The following GSE1 variants were observed in gnomAD, a reference collection of about 807,000 sequenced individuals.
The protein encoded by GSE1 is genetic suppressor element 1.
In GSE1, 32 loss-of-function variants were observed where a neutral mutation model predicts 112.6. The observed-to-expected ratio is 0.28, with a 90% CI of 0.21 to 0.38. The LOEUF (loss-of-function observed/expected upper bound fraction) is 0.38. Ranked by LOEUF, GSE1 falls within the 10% of genes least tolerant of loss-of-function variation. The pLI is 1.00. For synonymous variants in GSE1, 1,115 were observed against 735.6 expected, an observed-to-expected ratio of 1.52 and a Z score of -8.35; for missense variants, 2,348 against 1,699.2, an observed-to-expected ratio of 1.38 and a Z score of -6.71.
intron 2 of GSE1, among the ~76,000 whole-genome samples, chr16:85,410,266 C>A (rs1485172122): frequency 3.4e-5 from 2 of 58,396 alleles, no homozygotes; most frequent in African/African-American, 1.2e-4. Context: ...CTCTCAGGCC[C>A]CCCGGATAAT....
At chr16:85,603,416 T>C (rs2047553284) in intron 1 of GSE1, among the ~76,000 whole-genome samples, 1 of 152,240 alleles carries the variant, frequency 6.6e-6, no homozygotes. Context: ...CAGGGGATGC[T>C]TCTCTTCTTG....
At chr16:85,669,944 T>TTA (rs1193144486) in intron 14 of GSE1, among the ~76,000 whole-genome samples, 1 of 152,256 alleles carries the variant, frequency 6.6e-6, no homozygotes, top group Non-Finnish European at 1.5e-5. Context: ...TCAGCTGTTT[T>TTA]TAGCCCATGG....
rs2044682324 is a variant in GSE1, at chr16:85,545,958, TG to T, written c.2465-87955del. On this transcript the variant is annotated intron_variant, in intron 2 of 2. Transcript: ENST00000637419. The stretch of plus-strand genomic sequence containing the variant: ...CCACCACACTCGGCTAATTGTTTTT[TG>T]TATTTTTAGTAGAGACGGGGTTTCA... Among the ~76,000 whole-genome samples the T allele has an allele frequency of 2.0e-5, 3 of 152,114 alleles. No homozygotes were observed. The South Asian group carries it at 6.2e-4, about 32-fold the overall frequency.
intron 2 of GSE1, among the ~76,000 whole-genome samples, chr16:85,463,520 C>G (rs771108609): frequency 6.6e-6 from 1 of 152,164 alleles, no homozygotes; most frequent in Non-Finnish European, 1.5e-5. Flanking sequence ...TGGCAGGGCC[C>G]CTCGTGCCTG....
chr16:85,647,432 T>G (rs559487524), intron 2 of GSE1, among the ~76,000 whole-genome samples: 1 of 152,310 alleles, frequency 6.6e-6, no homozygotes, highest in Admixed American at 6.5e-5. Context: ...AGATGGTGAA[T>G]TATATCTCAT....
chr16:85,552,005 C>T (rs1448092587), upstream of GSE1, among the ~76,000 whole-genome samples: 1 of 152,136 alleles, frequency 6.6e-6, no homozygotes, highest in African/African-American at 2.4e-5. Context: ...GCTTCGCCTC[C>T]GTGCACTCAA....
intron 2 of GSE1, among the ~76,000 whole-genome samples, chr16:85,492,031 A>G (rs2051026385): frequency 6.6e-6 from 1 of 152,092 alleles, no homozygotes; most frequent in South Asian, 2.1e-4. Flanking sequence ...GGTGCTGGGA[A>G]GCTGACCCCT....
chr16:85,487,479 T>C (rs1158363559), intron 2 of GSE1, among the ~76,000 whole-genome samples: 1 of 152,142 alleles, frequency 6.6e-6, no homozygotes, highest in Non-Finnish European at 1.5e-5. Context: ...GAGGCCTCGT[T>C]ATGAGCCAGG....
chr16:85,361,853 C>T lies in GSE1; in HGVS notation c.2464+4210C>T, dbSNP rs184575984. On this transcript the variant is annotated intron_variant, in intron 2 of 2. Coordinates refer to the GSE1 transcript ENST00000637419. ...AGTTTGGTAACACTGGGTTCCCTGC[C>T]GTCCCAGACTCCCGGGGCAGCCCAC... Among the ~76,000 whole-genome samples, 20 of 152,102 alleles carry T rather than the reference C, an allele frequency of 1.3e-4. No homozygotes were observed. In the East Asian group the frequency reaches 2.7e-3, roughly 21 times the overall value.
intron 2 of GSE1, among the ~76,000 whole-genome samples, chr16:85,402,036 G>T (rs2048126220): frequency 6.6e-6 from 1 of 152,224 alleles, no homozygotes. Context: ...CTGGAGCCCG[G>T]AGACGTTGGA....
intron 2 of GSE1, among the ~76,000 whole-genome samples, chr16:85,541,609 G>C (rs903974003): frequency 3.9e-5 from 6 of 152,246 alleles, no homozygotes; most frequent in Non-Finnish European, 5.9e-5. Flanking sequence ...CAGAGGGTTC[G>C]CTTCTGTGCC....
At chr16:85,636,061 C>G (rs1313550803) in intron 2 of GSE1, among the ~76,000 whole-genome samples, 2 of 152,236 alleles carry the variant, frequency 1.3e-5, no homozygotes, top group Admixed American at 6.5e-5. Flanking sequence ...TGGCCAGGAA[C>G]AAAGTGCCGC....
At chr16:85,509,581 G>T (rs186888166) in intron 2 of GSE1, among the ~76,000 whole-genome samples, 139 of 152,364 alleles carry the variant, frequency 9.1e-4, no homozygotes, top group Admixed American at 2.2e-3. Flanking sequence ...TGCTTTGCGG[G>T]TGCCTGATGA....
rs3060245 is a variant in GSE1 at position 85,672,810 on chromosome 16, ATTATTTC to A, written c.*275_*281del. On this transcript the variant is annotated 3_prime_UTR_variant, in exon 16 of 16. Transcript: ENST00000253458. Reference sequence around the variant, plus strand: ...GTGGTTTTCGCCCTTCCTCTCCCACATTATTTCTTAATCTGAACATGAAGGCTCCATT... The same window carrying A: ...GTGGTTTTCGCCCTTCCTCTCCCACATTAATCTGAACATGAAGGCTCCATT... 56,743 of 257,928 alleles carry A rather than the reference ATTATTTC, an allele frequency of 0.22. 7,151 individuals are homozygous for A. Among genetic ancestry groups the A allele is most frequent in the Middle Eastern group, 0.28 (231 of 840 alleles). The allele number at this position is 257,928 out of a possible 1,614,324, so 16.0% of individuals were successfully genotyped here.
At chr16:85,546,496 A>C (rs926255003) in intron 2 of GSE1, among the ~76,000 whole-genome samples, 3 of 152,226 alleles carry the variant, frequency 2.0e-5, no homozygotes, top group Non-Finnish European at 2.9e-5. Context: ...GGACACACCC[A>C]TATAATGTAG....
At chr16:85,662,908 G>C (rs1217851377) in intron 9 of GSE1, 73 bp from the exon 10 acceptor site, 8 of 1,046,964 alleles carry the variant, frequency 7.6e-6, no homozygotes, top group Non-Finnish European at 1.2e-5. Context: ...CTGCACACAT[G>C]AGGCCCTGCG....
intron 1 of GSE1, among the ~76,000 whole-genome samples, chr16:85,277,474 A>G (rs11149735): frequency 0.42 from 63,612 of 151,914 alleles, 14,502 homozygotes; most frequent in East Asian, 0.72. Context: ...GCAAGCCTGT[A>G]CTGCTCAGAT....
chr16:85,271,336 T>C (rs1908815083), intron 1 of GSE1, among the ~76,000 whole-genome samples: 1 of 152,196 alleles, frequency 6.6e-6, no homozygotes, highest in South Asian at 2.1e-4. Context: ...CCTGCCTGTT[T>C]GACATCTCTG....
At chr16:85,327,078 G>A (rs1490705919) in intron 1 of GSE1, among the ~76,000 whole-genome samples, 6 of 152,246 alleles carry the variant, frequency 3.9e-5, no homozygotes, top group Admixed American at 3.9e-4. Context: ...AGGGCTGCTA[G>A]ATTGGTTTGG....
Sources: allele counts gnomAD v4.1 joint callset (sites outside exome capture counted in the v4.1 genomes callset), GRCh38; gene constraint gnomAD v4.1.1; transcripts MANE v1.5; gene names NCBI Gene and HGNC (gene_info 2026-07-23, HGNC 2026-07-21).